The following UBN1 variants were observed in gnomAD, a reference collection of about 807,000 sequenced individuals.
UBN1 encodes the protein ubinuclein-1.
A neutral mutation model predicts 108.5 loss-of-function variants in UBN1; 17 were observed. The ratio of observed to expected loss-of-function variants is 0.16; its 90% CI spans 0.11 to 0.24. The LOEUF (loss-of-function observed/expected upper bound fraction) is 0.24, where lower values mean the gene tolerates loss of function less well. UBN1 is among the 10% of genes least tolerant of loss of function. UBN1 has a pLI of 1.00. For synonymous variants in UBN1, 726 were observed against 564.2 expected, an observed-to-expected ratio of 1.29 and a Z score of -4.07; for missense variants, 1,595 against 1,394.4, an observed-to-expected ratio of 1.14 and a Z score of -2.29.
intron 1 of UBN1, among the ~76,000 whole-genome samples, chr16:4,850,052 A>G (rs188455140): frequency 8.9e-4 from 135 of 152,042 alleles, no homozygotes; most frequent in African/African-American, 3.0e-3. Context: ...TAAGCATTCA[A>G]ACATGTTTGA....
Position 4,868,952 on chromosome 16 carries a change from G to A in UBN1, c.1181+49G>A, listed in dbSNP as rs2087471472. Reference sequence around the variant, plus strand: ...CTGTCTGTCTGTTTCTGCTATTACTGAGCTTGGGGCAAGCCAGCTAGGGGA... The same window carrying A: ...CTGTCTGTCTGTTTCTGCTATTACTAAGCTTGGGGCAAGCCAGCTAGGGGA... On this transcript the variant is annotated intron_variant, in intron 8 of 17. Transcript: ENST00000262376. The A allele has an allele frequency of 8.1e-6, 13 of 1,605,848 alleles. No homozygotes were observed. In the East Asian group the frequency reaches 2.9e-4, roughly 36 times the overall value.
chr16:4,870,001 A>G (rs920009719), intron 8 of UBN1, among the ~76,000 whole-genome samples: 3 of 152,162 alleles, frequency 2.0e-5, no homozygotes, highest in African/African-American at 4.8e-5. Flanking sequence ...CTTGGCCCAC[A>G]TTACCTAGCC....
rs777904183 is a variant in UBN1 at position 4,860,813 on chromosome 16, C to T, written c.821C>T (p.Ala274Val). 37 of 1,614,174 alleles carry T rather than the reference C, an allele frequency of 2.3e-5. No homozygotes were observed. The highest frequency in any genetic ancestry group is 8.9e-5 in the East Asian group (4 of 44,904). The stretch of plus-strand genomic sequence containing the variant: ...CATAAGCCTGTTGCGGTCCCATCAG[C>T]GGAAGCTCAGGGCCTGCGGGAACTG... The part of the protein sequence containing the change: ...EEHKPVAVPS[A>V]EAQGLRELEG... Residue 274 changes from alanine (A) to valine (V), a missense_variant, in exon 7 of 18, where the codon GCG becomes GTG. By Grantham distance (64) the Ala-to-Val change is moderately conservative. Coordinates refer to ENST00000262376, the MANE Select transcript of UBN1 (RefSeq NM_001079514.3).
chr16:4,874,837 C>T lies in UBN1; in HGVS notation c.2427C>T (p.Ala809=), dbSNP rs371705582. ...VPGPQVKVFH[A]GTQQQKNFTP... ...GCCCCCAGGTCAAAGTCTTTCATGCCGGCACTCAGCAGCAGAAAAACTTCA... is the reference window on the plus strand; with the variant it reads ...GCCCCCAGGTCAAAGTCTTTCATGCTGGCACTCAGCAGCAGAAAAACTTCA... Residue 809 remains alanine, a synonymous_variant, in exon 15 of 18, where the codon GCC becomes GCT. Coordinates refer to ENST00000262376, the MANE Select transcript of UBN1 (RefSeq NM_001079514.3). The T allele has an allele frequency of 8.1e-5, 131 of 1,614,016 alleles. No homozygotes were observed. Among genetic ancestry groups the T allele is most frequent in the Admixed American group, 3.7e-4 (22 of 60,022 alleles).
chr16:4,874,639 T>C lies in UBN1; in HGVS notation c.2229T>C (p.Ala743=). The part of the protein sequence containing the change: ...QSPLNFLAEQ[A]LALGQSSQEK... ...CCCTCAATTTTCTGGCAGAACAGGC[T>C]CTGGCACTGGGGCAGTCCTCTCAGG... The change falls in exon 15 of 18, where the codon GCT becomes GCC. Residue 743 remains alanine, a synonymous_variant. Transcript: ENST00000262376. 1.2e-6 allele frequency: 2 copies of C among 1,614,206 alleles called. No homozygotes were observed. The highest frequency in any genetic ancestry group is 2.2e-5 in the East Asian group (1 of 44,892).
chr16:4,880,303 C>A lies in UBN1; in HGVS notation c.*171C>A. ...TCTGATGTGCCTCCCATGGAGGGAGCCGGGCCCTTGCTGCTCAGGAGGTGC... is the reference window on the plus strand; with the variant it reads ...TCTGATGTGCCTCCCATGGAGGGAGACGGGCCCTTGCTGCTCAGGAGGTGC... On this transcript the variant is annotated 3_prime_UTR_variant, in exon 18 of 18. Coordinates refer to ENST00000262376, the MANE Select transcript of UBN1 (RefSeq NM_001079514.3). 1.4e-6 allele frequency: 1 copy of A among 708,614 alleles called. No individual in the cohort carries two copies. Among genetic ancestry groups the A allele is most frequent in the Non-Finnish European group, 2.4e-6 (1 of 417,338 alleles). The allele number at this position is 708,614 out of a possible 1,614,324, so 43.9% of individuals were successfully genotyped here.
intron 4 of UBN1, 137 bp from the exon 5 acceptor site, chr16:4,858,888 C>T (rs745588347): frequency 2.0e-5 from 24 of 1,193,458 alleles, no homozygotes; most frequent in Non-Finnish European, 2.6e-5. Context: ...CTCAGACATT[C>T]ATGTTTGACC....
Position 4,847,482 on chromosome 16 carries a change from G to C in UBN1, c.-768G>C. On this transcript the variant is annotated 5_prime_UTR_variant, in exon 1 of 18. Coordinates refer to ENST00000262376, the MANE Select transcript of UBN1 (RefSeq NM_001079514.3). ...GCGCGCCGGAGCGCAGAGACTCCCGGCTCCTTCCCCCTCCCTTCGGCTCGT... is the reference window on the plus strand; with the variant it reads ...GCGCGCCGGAGCGCAGAGACTCCCGCCTCCTTCCCCCTCCCTTCGGCTCGT... 1.7e-6 allele frequency: 1 copy of C among 605,796 alleles called. No homozygotes were observed. The highest frequency in any genetic ancestry group is 2.7e-6 in the Non-Finnish European group (1 of 368,104). The allele number at this position is 605,796 out of a possible 1,614,324, so 37.5% of individuals were successfully genotyped here. A position where few individuals can be genotyped will look rare whatever the true frequency, so the allele number is the denominator to read the frequency against.
chr16:4,870,476 ATG>A, intron 9 of UBN1, 38 bp from the exon 10 acceptor site: 1 of 1,613,604 alleles, frequency 6.2e-7, no homozygotes, highest in Non-Finnish European at 8.5e-7. Flanking sequence ...CGTAAGAGCG[ATG>A]TGTAAACCTG....
chr16:4,875,615 A>C (rs939813322), intron 15 of UBN1, among the ~76,000 whole-genome samples, 181 bp downstream of exon 15: 1 of 152,206 alleles, frequency 6.6e-6, no homozygotes, highest in Non-Finnish European at 1.5e-5. Context: ...TTCTGGTGAC[A>C]GGAAGCCCAG....
At position 4,877,321 on chromosome 16, in the gene UBN1, G is replaced by C; in HGVS notation, c.3266-64G>C. 6.4e-7 allele frequency: 1 copy of C among 1,562,606 alleles called. No homozygotes were observed. Among genetic ancestry groups the C allele is most frequent in the Non-Finnish European group, 8.7e-7 (1 of 1,149,784 alleles). On this transcript the variant is annotated intron_variant, in intron 16 of 17. Coordinates refer to ENST00000262376, the MANE Select transcript of UBN1 (RefSeq NM_001079514.3). The surrounding 1 kb of genome is among the most constrained non-coding windows in gnomAD (Gnocchi z 4.3). ...TCGGGGGCTTTTGGCTGCTGGAGCT[G>C]CTTTCCTGTTCCTGTCTTCAATGTG...
At position 4,880,307 on chromosome 16, in the gene UBN1, G is replaced by A; in HGVS notation, c.*175G>A. ...ATGTGCCTCCCATGGAGGGAGCCGG[G>A]CCCTTGCTGCTCAGGAGGTGCAGAC... On this transcript the variant is annotated 3_prime_UTR_variant, in exon 18 of 18. Coordinates refer to ENST00000262376, the MANE Select transcript of UBN1 (RefSeq NM_001079514.3). 1.5e-6 allele frequency: 1 copy of A among 681,440 alleles called. No homozygotes were observed. The highest frequency in any genetic ancestry group is 2.5e-6 in the Non-Finnish European group (1 of 395,886). The allele number at this position is 681,440 out of a possible 1,614,324, so 42.2% of individuals were successfully genotyped here.
Position 4,881,460 on chromosome 16 carries a change from G to A in UBN1, c.*1328G>A, listed in dbSNP as rs1824733779. ...TGTCTTGTGAGGTCTGTGCCACAAG[G>A]TGAGTCTGAACTGACTGCTCCAGCT... On this transcript the variant is annotated 3_prime_UTR_variant, in exon 18 of 18. Transcript: ENST00000262376. 6.6e-6 allele frequency: 1 copy of A among 152,196 alleles called. No individual in the cohort carries two copies. Among genetic ancestry groups the A allele is most frequent in the South Asian group, 2.1e-4 (1 of 4,826 alleles). The allele number at this position is 152,196 out of a possible 1,614,324, so 9.4% of individuals were successfully genotyped here.
chr16:4,858,457 T>C (rs1001744278), intron 3 of UBN1, 111 bp from the exon 4 acceptor site: 1 of 903,740 alleles, frequency 1.1e-6, no homozygotes, highest in African/African-American at 1.7e-5. Flanking sequence ...AGAGAGTGAC[T>C]GTTTTAGTTA....
At chr16:4,865,594 C>T (rs1364702900) in intron 7 of UBN1, among the ~76,000 whole-genome samples, 1 of 152,044 alleles carries the variant, frequency 6.6e-6, no homozygotes, top group Non-Finnish European at 1.5e-5. Flanking sequence ...TTATTTGAGC[C>T]TGGGAGGTCA....
chr16:4,859,129 C>T lies in UBN1; in HGVS notation c.537C>T (p.Phe179=), dbSNP rs1274456155. The change falls in exon 5 of 18, where the codon TTC becomes TTT. Residue 179 remains phenylalanine (F), a synonymous_variant. Coordinates refer to ENST00000262376, the MANE Select transcript of UBN1 (RefSeq NM_001079514.3). ...FRQASESEDD[F]IKEKKKKSPK... ...AAGCATCAGAGTCTGAAGATGACTTCATTAAAGAAAAGAAGAAAAAATCTC... is the reference window on the plus strand; with the variant it reads ...AAGCATCAGAGTCTGAAGATGACTTTATTAAAGAAAAGAAGAAAAAATCTC... The T allele has an allele frequency of 4.3e-6, 7 of 1,613,578 alleles. No homozygotes were observed. The highest frequency in any genetic ancestry group is 5.9e-6 in the Non-Finnish European group (7 of 1,179,916).
intron 7 of UBN1, 148 bp from the exon 8 acceptor site, chr16:4,868,685 C>T: frequency 1.5e-6 from 1 of 670,906 alleles, no homozygotes; most frequent in Admixed American, 3.0e-5. Context: ...GCGAACTTAA[C>T]CTGGGACTAG....
rs58408449 is a variant in UBN1, at chr16:4,854,767, G to T, written c.249+1601G>T. The stretch of plus-strand genomic sequence containing the variant: ...AGACAGAGTCTCGCTCTGTCGCCCA[G>T]GCTGGCATGCAGTGGTGCAATCTTG... On this transcript the variant is annotated intron_variant, in intron 2 of 17. Transcript: ENST00000262376. Among the ~76,000 whole-genome samples the T allele has an allele frequency of 3.4e-3, 508 of 151,544 alleles. 1 individual carries two copies. The highest frequency in any genetic ancestry group is 3.6e-3 in the African/African-American group (149 of 41,230).
intron 1 of UBN1, among the ~76,000 whole-genome samples, chr16:4,849,943 G>T (rs2086465464): frequency 3.3e-5 from 1 of 30,334 alleles, no homozygotes. Context: ...TGAGGCAACT[G>T]TCTCACAAAA....
Sources: allele counts gnomAD v4.1 joint callset (sites outside exome capture counted in the v4.1 genomes callset), GRCh38; gene constraint gnomAD v4.1.1; non-coding constraint Gnocchi (gnomAD v3.1); transcripts MANE v1.5; gene names NCBI Gene and HGNC (gene_info 2026-07-23, HGNC 2026-07-21).